Variants in EXT2 observed in about 807,000 individuals in gnomAD.
The protein encoded by EXT2 is exostosin glycosyltransferase 2.
A neutral mutation model predicts 81.6 loss-of-function variants in EXT2; 53 were observed. The ratio of observed to expected loss-of-function variants is 0.65; its 90% CI spans 0.52 to 0.82. The LOEUF is 0.82. Among genes scored for constraint, EXT2 ranks in the 40% least tolerant of loss-of-function variants. The pLI is 0.00. For missense variants in EXT2, 774 were observed against 910.2 expected (o/e 0.85, Z 1.93); for synonymous variants, 320 against 340.0 (o/e 0.94, Z 0.65).
At chr11:44,177,508 G>GGACAGA (rs1051454294) in intron 8 of EXT2, among the ~76,000 whole-genome samples, 6 of 152,176 alleles carry the variant, frequency 3.9e-5, no homozygotes, top group Non-Finnish European at 7.3e-5. Flanking sequence ...ATATGTAGGA[G>GGACAGA]GACAGAGACA....
At chr11:44,109,347 A>G in intron 3 of EXT2, 64 bp downstream of exon 3, 2 of 1,333,138 alleles carry the variant, frequency 1.5e-6, no homozygotes, top group South Asian at 2.4e-5. Flanking sequence ...ATGTGAAATT[A>G]TATTCCTAAA....
rs1388461882 is a variant in EXT2 at position 44,220,307 on chromosome 11, G to A, written c.1663-12046G>A. ...TACCCTGTTCTTTAAGTTGATGGGT[G>A]TGAGCTGTCTTTGAGCCTTGTGTAT... On this transcript the variant is annotated intron_variant, in intron 10 of 13. Coordinates refer to ENST00000533608, the MANE Select transcript of EXT2 (RefSeq NM_207122.2). The surrounding 1 kb of genome is among the most constrained non-coding windows in gnomAD (Gnocchi z 4.4). Among the ~76,000 whole-genome samples, 2 of 152,194 alleles carry A rather than the reference G, an allele frequency of 1.3e-5. No individual in the cohort carries two copies. Among genetic ancestry groups the A allele is most frequent in the Non-Finnish European group, 2.9e-5 (2 of 68,042 alleles).
intron 7 of EXT2, among the ~76,000 whole-genome samples, chr11:44,136,105 A>T (rs1356062888): frequency 6.6e-6 from 1 of 152,244 alleles, no homozygotes; most frequent in African/African-American, 2.4e-5. Context: ...TTATTTGCTT[A>T]AAAGTGTAAA....
intron 7 of EXT2, among the ~76,000 whole-genome samples, chr11:44,141,064 T>C (rs1954638937): frequency 6.6e-6 from 1 of 152,174 alleles, no homozygotes; most frequent in Admixed American, 6.5e-5. Context: ...TCCCTCAGTA[T>C]CTGTGGGGGA....
At chr11:44,211,063 GC>G (rs1276716830) in intron 10 of EXT2, among the ~76,000 whole-genome samples, 1 of 152,154 alleles carries the variant, frequency 6.6e-6, no homozygotes, top group African/African-American at 2.4e-5. Context: ...TTGCTATAAA[GC>G]TACGGTAATC....
chr11:44,107,949 G>A lies in EXT2; in HGVS notation c.237G>A (p.Glu79=). The A allele has an allele frequency of 5.6e-6, 9 of 1,614,220 alleles. No homozygotes were observed. The highest frequency in any genetic ancestry group is 7.6e-6 in the Non-Finnish European group (9 of 1,180,040). The change falls in exon 2 of 14, where the codon GAG becomes GAA. Residue 79 remains glutamate (E), a synonymous_variant. Coordinates refer to ENST00000533608, the MANE Select transcript of EXT2 (RefSeq NM_207122.2). ...TGCCAGCCGACAGTCCCATCCCAGA[G>A]CGGGGGGATCTCAGTTGCAGAATGC... ...VRLPADSPIP[E]RGDLSCRMHT...
Position 44,197,836 on chromosome 11 carries a change from G to T in EXT2, c.1313G>T (p.Gly438Val). 1 of 1,613,964 alleles carries T rather than the reference G, an allele frequency of 6.2e-7. No individual in the cohort carries two copies. Among genetic ancestry groups the T allele is most frequent in the Non-Finnish European group, 8.5e-7 (1 of 1,179,938 alleles). ...EWNDPPAVKW[G>V]SVSNPLFLPL... ...TAATCTGTCCTCTTGTAGAAGTGGG[G>T]CAGCGTGAGCAATCCACTCTTCCTC... The change falls in exon 9 of 14, where the codon GGC (glycine) becomes GTC (valine). Residue 438 changes from glycine (G) to valine (V), a missense_variant. Gly to Val is a moderately radical substitution (Grantham distance 109). Around this residue, in one of 2 missense-constraint regions of EXT2, gnomAD observed 626 missense variants for 670.5 expected, o/e 0.93. Coordinates refer to ENST00000533608, the MANE Select transcript of EXT2 (RefSeq NM_207122.2).
intron 8 of EXT2, among the ~76,000 whole-genome samples, chr11:44,193,674 G>T (rs900280138): frequency 1.3e-5 from 2 of 152,172 alleles, no homozygotes; most frequent in African/African-American, 2.4e-5. Context: ...TGTTTGAGTA[G>T]ATGTATGCTT....
intron 3 of EXT2, among the ~76,000 whole-genome samples, chr11:44,110,679 A>C (rs928682677): frequency 2.6e-5 from 4 of 152,116 alleles, no homozygotes; most frequent in Admixed American, 2.6e-4. Flanking sequence ...ATGCATCTGC[A>C]TGGGAGTTGG....
intron 8 of EXT2, chr11:44,171,957 T>G (rs1407545882): frequency 1.6e-6 from 1 of 631,714 alleles, no homozygotes; most frequent in Non-Finnish European, 2.7e-6. Context: ...GTGTTTTAAG[T>G]GCTTAGAAAG....
intron 7 of EXT2, among the ~76,000 whole-genome samples, chr11:44,134,316 A>G (rs1019841457): frequency 2.0e-5 from 3 of 151,966 alleles, no homozygotes. Flanking sequence ...TAATAAAAAA[A>G]ATCTTTGATC....
At chr11:44,230,079 G>A (rs555588463) in intron 10 of EXT2, among the ~76,000 whole-genome samples, 7 of 152,334 alleles carry the variant, frequency 4.6e-5, no homozygotes, top group African/African-American at 1.2e-4. Flanking sequence ...GGCTGGTTGC[G>A]GGTGCTGTTT....
At chr11:44,137,094 C>G (rs1285118204) in intron 7 of EXT2, among the ~76,000 whole-genome samples, 1 of 151,738 alleles carries the variant, frequency 6.6e-6, no homozygotes, top group Admixed American at 6.6e-5. Flanking sequence ...AAAATAAGGT[C>G]TCATTTAATT....
chr11:44,196,655 T>A (rs1325474062), intron 8 of EXT2, among the ~76,000 whole-genome samples: 1 of 152,210 alleles, frequency 6.6e-6, no homozygotes, highest in African/African-American at 2.4e-5. Flanking sequence ...ATTATATTTT[T>A]AATGTTGAAG....
At chr11:44,194,776 T>A (rs1955435916) in intron 8 of EXT2, among the ~76,000 whole-genome samples, 1 of 152,166 alleles carries the variant, frequency 6.6e-6, no homozygotes, top group African/African-American at 2.4e-5. Context: ...ATTAAATCAT[T>A]TTATACACTT....
intron 1 of EXT2, among the ~76,000 whole-genome samples, chr11:44,104,446 G>T (rs907843915): frequency 6.6e-6 from 1 of 152,122 alleles, no homozygotes; most frequent in Non-Finnish European, 1.5e-5. Flanking sequence ...CTATTAAAGG[G>T]TAGTTTGTCT....
chr11:44,109,743 TCCTC>T (rs1332383892), intron 3 of EXT2, among the ~76,000 whole-genome samples: 3 of 152,164 alleles, frequency 2.0e-5, no homozygotes, highest in Admixed American at 2.0e-4. Flanking sequence ...TTCTGTCCGT[TCCTC>T]CCTCCCTCCC....
At chr11:44,176,272 A>C (rs1279368716) in intron 8 of EXT2, among the ~76,000 whole-genome samples, 2 of 152,186 alleles carry the variant, frequency 1.3e-5, no homozygotes, top group African/African-American at 4.8e-5. Context: ...ATAAGAATAA[A>C]GGGTTGGAAT....
At chr11:44,117,869 C>A (rs1318166081) in intron 4 of EXT2, among the ~76,000 whole-genome samples, 1 of 152,164 alleles carries the variant, frequency 6.6e-6, no homozygotes, top group African/African-American at 2.4e-5. Context: ...TCAGGTGATC[C>A]TCCTGCCTCA....
Sources: gnomAD v4.1 joint callset for allele counts (sites outside exome capture counted in the v4.1 genomes callset) on GRCh38, gnomAD v4.1.1 for gene constraint, gnomAD v4.1.1 regional missense constraint, Gnocchi (gnomAD v3.1) non-coding constraint, MANE v1.5 for transcripts, NCBI Gene and HGNC (gene_info 2026-07-23, HGNC 2026-07-21) for gene names.